Variants in NAMPT observed in about 807,000 individuals in gnomAD.
NAMPT encodes the protein NAmPRTase.
NAMPT carries 7 observed loss-of-function variants against 58.7 expected under a neutral mutation model. The ratio of observed to expected loss-of-function variants is 0.12; its 90% CI spans 0.07 to 0.22. The LOEUF is 0.22. Among genes scored for constraint, NAMPT ranks in the 10% least tolerant of loss-of-function variants. The pLI, the probability that NAMPT is intolerant of heterozygous loss-of-function variation, is 1.00. For missense variants in NAMPT, 271 were observed against 567.9 expected, an observed-to-expected ratio of 0.48 and a Z score of 5.31; for synonymous variants, 145 against 198.1, an observed-to-expected ratio of 0.73 and a Z score of 2.25.
At chr7:106,285,663 C>A, upstream of NAMPT, 1 of 911,182 alleles carries the variant, frequency 1.1e-6, no homozygotes, top group South Asian at 5.0e-5. Context: ...CTGAGGGGCC[C>A]CTTTCATCTG....
chr7:106,254,253 A>T (rs757417515), intron 9 of NAMPT, 111 bp downstream of exon 9: 142 of 1,219,408 alleles, frequency 1.2e-4, no homozygotes, highest in Admixed American at 1.7e-4. Context: ...ACCCAACAAC[A>T]TATTAACAGT....
rs769070307 is a variant in NAMPT, at chr7:106,267,840, CAAAAAAAAAAAAAAAAAAA to C, written c.743+605_743+623del. On this transcript the variant is annotated intron_variant, in intron 6 of 10. Transcript: ENST00000222553. ...TGGGCGACAGAGCGAGACTCCGTCT[CAAAAAAAAAAAAAAAAAAA>C]AAAAAAAAAAAAAAAAACAACCTGA... Among the ~76,000 whole-genome samples, 114 of 33,184 alleles carry C rather than the reference CAAAAAAAAAAAAAAAAAAA, an allele frequency of 3.4e-3. 5 individuals carry two copies. The highest frequency in any genetic ancestry group is 3.9e-3 in the Admixed American group (8 of 2,064). The allele number at this position is 33,184 out of a possible 152,430, so 21.8% of individuals were successfully genotyped here. A position where few individuals can be genotyped will look rare whatever the true frequency, so the allele number is the denominator to read the frequency against.
intron 1 of NAMPT, 89 bp downstream of exon 1, chr7:106,284,739 C>G (rs1298028982): frequency 4.0e-6 from 1 of 252,376 alleles, no homozygotes; most frequent in Non-Finnish European, 7.5e-6. Flanking sequence ...CCAGCCCCAA[C>G]CCCAGCCCCA....
At chr7:106,284,273 C>A (rs962855100) in intron 1 of NAMPT, 1 of 152,112 alleles carries the variant, frequency 6.6e-6, no homozygotes, top group African/African-American at 2.4e-5. Context: ...TCCTCCGCGC[C>A]GGAGCCGCAG....
At position 106,269,288 on chromosome 7, in the gene NAMPT, G is replaced by C. The variant is rs774198922; in HGVS notation, c.472C>G (p.Pro158Ala). The C allele has an allele frequency of 5.0e-6, 8 of 1,613,202 alleles. No individual in the cohort carries two copies. Among genetic ancestry groups the C allele is most frequent in the Non-Finnish European group, 6.8e-6 (8 of 1,179,382 alleles). ...CTAGAATTTGTGGCCACTGTGATTGGATACCAGGACTGAACAAGAATAGTC... is the reference window on the plus strand; with the variant it reads ...CTAGAATTTGTGGCCACTGTGATTGCATACCAGGACTGAACAAGAATAGTC... ...IETILVQSWY[P>A]ITVATNSREQ... Residue 158 changes from proline to alanine, a missense_variant, in exon 5 of 11, where the codon CCA (proline) becomes GCA (alanine). Physicochemically the swap from Pro to Ala is conservative, Grantham distance 27. Coordinates refer to ENST00000222553, the MANE Select transcript of NAMPT (RefSeq NM_005746.3).
chr7:106,272,488 T>G (rs1792555738), intron 4 of NAMPT, 42 bp downstream of exon 4: 1 of 1,538,028 alleles, frequency 6.5e-7, no homozygotes, highest in Non-Finnish European at 8.9e-7. Flanking sequence ...TCAATGGTCT[T>G]TATTCAATTA....
chr7:106,282,084 G>A (rs1475486838), intron 1 of NAMPT, among the ~76,000 whole-genome samples: 1 of 151,974 alleles, frequency 6.6e-6, no homozygotes, highest in Non-Finnish European at 1.5e-5. Context: ...GGTACAAGCT[G>A]CAACAGTACC....
chr7:106,267,872 A>AAAAAAAAAAAAAAAAC (rs1562815992), intron 6 of NAMPT, among the ~76,000 whole-genome samples: 10 of 136,274 alleles, frequency 7.3e-5, no homozygotes, highest in African/African-American at 2.6e-4. Flanking sequence ...AAAAAAAAAA[A>AAAAAAAAAAAAAAAAC]AAAACAACCT....
rs1406690749 is a variant in NAMPT, at chr7:106,252,999, A to G, written c.1365+18T>C. ...AACCTACTATTGCTTAAAAAAACCA[A>G]TCAGCATAGATACATACCTGACCAT... is the stretch of plus-strand genomic sequence containing the variant. On this transcript the variant is annotated intron_variant, in intron 10 of 10. Transcript: ENST00000222553. The G allele has an allele frequency of 1.9e-6, 3 of 1,605,816 alleles. No individual in the cohort carries two copies. The highest frequency in any genetic ancestry group is 1.3e-5 in the African/African-American group (1 of 74,570).
At chr7:106,261,489 A>G (rs1344376884) in intron 8 of NAMPT, 99 bp downstream of exon 8, 30 of 1,009,658 alleles carry the variant, frequency 3.0e-5, no homozygotes, top group Non-Finnish European at 4.1e-5. Flanking sequence ...AAACACTTAC[A>G]AAGACTTAAA....
rs1026510501 is a variant in NAMPT at position 106,249,127 on chromosome 7, TGAA to T, written c.*1953_*1955del. On this transcript the variant is annotated 3_prime_UTR_variant, in exon 11 of 11. Transcript: ENST00000222553. ...TTTACACGCCCCTTAGCACATTTTG[TGAA>T]GAAATGTGTGTTTTTCTTAATACTA... 2.9e-4 allele frequency: 44 copies of T among 152,524 alleles called. No homozygotes were observed. The highest frequency in any genetic ancestry group is 9.6e-4 in the African/African-American group (40 of 41,534). 9.4% of individuals were successfully genotyped at this position (152,524 alleles called of 1,614,324 possible). A position where few individuals can be genotyped will look rare whatever the true frequency, so the allele number is the denominator to read the frequency against.
intron 6 of NAMPT, among the ~76,000 whole-genome samples, chr7:106,266,624 C>T (rs1361628606): frequency 6.6e-6 from 1 of 152,144 alleles, no homozygotes; most frequent in Middle Eastern, 3.2e-3. Flanking sequence ...ATTTTATCTC[C>T]CAAGCCATTG....
At chr7:106,277,219 A>T in intron 1 of NAMPT, 40 bp from the exon 2 acceptor site, 1 of 1,506,040 alleles carries the variant, frequency 6.6e-7, no homozygotes. Context: ...AACACCGATG[A>T]GTAGACTATA....
upstream of NAMPT, chr7:106,285,099 C>T (rs1023081011): frequency 1.5e-6 from 2 of 1,350,052 alleles, no homozygotes; most frequent in Admixed American, 3.0e-5. Context: ...CTCGCGTGCT[C>T]GCAGTCTGGG....
chr7:106,276,524 A>AATGAC (rs1232599616), intron 2 of NAMPT: 1 of 153,296 alleles, frequency 6.5e-6, no homozygotes, highest in African/African-American at 2.4e-5. Flanking sequence ...TCCAAAAATT[A>AATGAC]ATGACTTTTC....
rs1408645280 is a variant in NAMPT at position 106,284,718 on chromosome 7, T to TAGACCC, written c.57+109_57+110insGGGTCT. ...CCCGGGCCTCCCCGCGCCGCGACCC[T>TAGACCC]AGCCCCAGCCCCAGCCCCAACCCCA... On this transcript the variant is annotated intron_variant, in intron 1 of 10. Coordinates refer to ENST00000222553, the MANE Select transcript of NAMPT (RefSeq NM_005746.3). 1.6e-3 allele frequency: 1,165 copies of TAGACCC among 746,660 alleles called. 12 individuals carry two copies. Among genetic ancestry groups the TAGACCC allele is most frequent in the Admixed American group, 3.1e-3 (54 of 17,354 alleles). 46.3% of individuals were successfully genotyped at this position (746,660 alleles called of 1,614,324 possible).
upstream of NAMPT, chr7:106,285,174 A>C (rs1309247049): frequency 3.5e-5 from 43 of 1,223,352 alleles, no homozygotes; most frequent in Non-Finnish European, 4.1e-5. Flanking sequence ...GGGGCCGAGA[A>C]AGGGCGGGGC....
chr7:106,265,567 T>TAAAAAAAA (rs35685666), intron 6 of NAMPT, among the ~76,000 whole-genome samples: 30 of 116,458 alleles, frequency 2.6e-4, no homozygotes, highest in African/African-American at 8.6e-4. Flanking sequence ...CTCAAAAGCT[T>TAAAAAAAA]AAAAAAAAAA....
chr7:106,265,506 C>T (rs951284000), intron 6 of NAMPT, among the ~76,000 whole-genome samples: 1 of 148,558 alleles, frequency 6.7e-6, no homozygotes, highest in African/African-American at 2.5e-5. Context: ...CAATATTTCT[C>T]ATAGTTCTGA....
Sources: gnomAD v4.1 joint callset for allele counts (sites outside exome capture counted in the v4.1 genomes callset) on GRCh38, gnomAD v4.1.1 for gene constraint, MANE v1.5 for transcripts, NCBI Gene and HGNC (gene_info 2026-07-23, HGNC 2026-07-21) for gene names.